The following MAPK4 variants were observed in gnomAD, a reference collection of about 807,000 sequenced individuals.
The protein encoded by MAPK4 is mitogen-activated protein kinase 4.
In MAPK4, 22 loss-of-function variants were observed where a neutral mutation model predicts 47.7. That is an observed-to-expected ratio of 0.46 (90% confidence interval 0.33 to 0.66). The LOEUF is 0.66. MAPK4 is among the 30% of genes least tolerant of loss of function. MAPK4 has a pLI of 0.02. For synonymous variants in MAPK4, 390 were observed against 365.7 expected, an observed-to-expected ratio of 1.07 and a Z score of -0.76; for missense variants, 736 against 831.7, an observed-to-expected ratio of 0.88 and a Z score of 1.42.
chr18:50,588,699 C>T (rs2042409345), intron 1 of MAPK4, among the ~76,000 whole-genome samples: 1 of 152,138 alleles, frequency 6.6e-6, no homozygotes, highest in African/African-American at 2.4e-5. Context: ...GGAATACAGG[C>T]ACAAGCCACC....
chr18:50,656,182 C>T (rs1432153671), intron 1 of MAPK4, among the ~76,000 whole-genome samples: 1 of 152,202 alleles, frequency 6.6e-6, no homozygotes, highest in East Asian at 1.9e-4. Flanking sequence ...CGCTGTATAA[C>T]AAATGTCCCA....
intron 1 of MAPK4, among the ~76,000 whole-genome samples, chr18:50,632,581 A>T (rs999156662): frequency 1.3e-5 from 2 of 149,334 alleles, no homozygotes; most frequent in Admixed American, 6.7e-5. Flanking sequence ...CTGGACTTTA[A>T]TCATTCCTTA....
rs114089270 is a variant in MAPK4 at position 50,579,257 on chromosome 18, G to A, written c.-871+19014G>A. Among the ~76,000 whole-genome samples the A allele has an allele frequency of 9.3e-3, 1,421 of 152,240 alleles. 20 individuals are homozygous for A. The highest frequency in any genetic ancestry group is 0.032 in the African/African-American group (1,316 of 41,518). On this transcript the variant is annotated intron_variant, in intron 1 of 5. Transcript: ENST00000400384. ...AGTCCCCATGGGAAGTGATAAGGCC[G>A]CAGGGTACATGGCCTGTGCATCATT...
chr18:50,712,844 A>G (rs553401066), intron 2 of MAPK4, among the ~76,000 whole-genome samples: 31 of 152,288 alleles, frequency 2.0e-4, no homozygotes, highest in Middle Eastern at 3.4e-3. Flanking sequence ...TTCCCTGACA[A>G]TCTCACCCTC....
At chr18:50,699,124 G>A (rs757083619) in intron 2 of MAPK4, among the ~76,000 whole-genome samples, 2 of 152,002 alleles carry the variant, frequency 1.3e-5, no homozygotes, top group Non-Finnish European at 2.9e-5. Flanking sequence ...CTATTCTTTT[G>A]ACTTACCAGA....
intron 2 of MAPK4, among the ~76,000 whole-genome samples, chr18:50,683,623 G>A (rs963884301): frequency 1.3e-5 from 2 of 152,150 alleles, no homozygotes; most frequent in Non-Finnish European, 2.9e-5. Context: ...CTAGGTGTTG[G>A]AGATACAAGG....
At chr18:50,671,584 G>A (rs1312676702) in intron 2 of MAPK4, among the ~76,000 whole-genome samples, 1 of 152,052 alleles carries the variant, frequency 6.6e-6, no homozygotes, top group Non-Finnish European at 1.5e-5. Context: ...TGGTCAGCGG[G>A]GTTTACATGG....
chr18:50,716,651 C>T (rs1002422668), intron 3 of MAPK4, among the ~76,000 whole-genome samples: 2 of 152,146 alleles, frequency 1.3e-5, no homozygotes, highest in Non-Finnish European at 2.9e-5. Context: ...GGATTCCATG[C>T]CCCTACAGAA....
intron 2 of MAPK4, among the ~76,000 whole-genome samples, chr18:50,689,538 AG>A (rs1163187285): frequency 6.6e-6 from 1 of 152,194 alleles, no homozygotes; most frequent in Non-Finnish European, 1.5e-5. Context: ...ACTAAGTCAC[AG>A]GATGTTCAAG....
chr18:50,570,520 A>G (rs1320226273), intron 1 of MAPK4, among the ~76,000 whole-genome samples: 1 of 152,160 alleles, frequency 6.6e-6, no homozygotes, highest in African/African-American at 2.4e-5. Flanking sequence ...TAGCTGGGTA[A>G]GTTTCCTTCC....
intron 1 of MAPK4, among the ~76,000 whole-genome samples, chr18:50,634,960 G>T (rs1211999363): frequency 1.3e-5 from 2 of 152,204 alleles, no homozygotes; most frequent in African/African-American, 4.8e-5. Context: ...CCTATGCTCA[G>T]TTGGCGCTCC....
chr18:50,706,481 T>C (rs1910063339), intron 2 of MAPK4, among the ~76,000 whole-genome samples: 1 of 148,288 alleles, frequency 6.7e-6, no homozygotes, highest in Non-Finnish European at 1.5e-5. Context: ...TTAAGTTCCC[T>C]AGGTGCTTCC....
chr18:50,593,067 C>G (rs1385627844), intron 1 of MAPK4, among the ~76,000 whole-genome samples: 2 of 152,176 alleles, frequency 1.3e-5, no homozygotes, highest in Non-Finnish European at 2.9e-5. Flanking sequence ...AAGTGACTTG[C>G]CTGAGGCCAC....
intron 1 of MAPK4, among the ~76,000 whole-genome samples, chr18:50,621,087 T>C (rs1272512828): frequency 6.6e-6 from 1 of 152,214 alleles, no homozygotes; most frequent in Admixed American, 6.5e-5. Context: ...TTCACTCATT[T>C]AATCCCATCA....
At chr18:50,672,290 G>A (rs1419148699) in intron 2 of MAPK4, among the ~76,000 whole-genome samples, 5 of 152,214 alleles carry the variant, frequency 3.3e-5, no homozygotes, top group Admixed American at 3.3e-4. Flanking sequence ...CACTTTCTGA[G>A]GGCTCAGCTA....
chr18:50,615,185 T>G (rs2042673561), intron 1 of MAPK4, among the ~76,000 whole-genome samples: 1 of 152,184 alleles, frequency 6.6e-6, no homozygotes, highest in African/African-American at 2.4e-5. Flanking sequence ...GCTCATGTGT[T>G]CTTTCATAAT....
intron 1 of MAPK4, among the ~76,000 whole-genome samples, chr18:50,649,520 C>T (rs372344808): frequency 2.8e-4 from 42 of 152,262 alleles, no homozygotes; most frequent in African/African-American, 9.6e-4. Flanking sequence ...CAGCCCCTCC[C>T]GCCTATGCTG....
intron 2 of MAPK4, among the ~76,000 whole-genome samples, chr18:50,685,767 G>A (rs992563257): frequency 4.6e-5 from 7 of 152,082 alleles, no homozygotes; most frequent in South Asian, 2.1e-4. Context: ...ACCTTCCGAC[G>A]GTTTGGGAAG....
chr18:50,583,603 C>T (rs1208187904), intron 1 of MAPK4, among the ~76,000 whole-genome samples: 3 of 152,122 alleles, frequency 2.0e-5, no homozygotes, highest in African/African-American at 7.2e-5. Flanking sequence ...AAACAAAAAA[C>T]AGGAAACAAG....
Sources: allele counts gnomAD v4.1 joint callset (sites outside exome capture counted in the v4.1 genomes callset), GRCh38; gene constraint gnomAD v4.1.1; transcripts MANE v1.5; gene names NCBI Gene and HGNC (gene_info 2026-07-23, HGNC 2026-07-21).